Variants in PBX1 observed in about 807,000 individuals in gnomAD.
PBX1 encodes PBX homeobox 1.
PBX1 carries 6 observed loss-of-function variants against 53.4 expected under a neutral mutation model. That is an observed-to-expected ratio of 0.11 (90% CI 0.06 to 0.22). The LOEUF (loss-of-function observed/expected upper bound fraction) is 0.22. Ranked by LOEUF, PBX1 falls within the 10% of genes least tolerant of loss-of-function variation. PBX1 has a pLI of 1.00. For synonymous variants in PBX1, 204 were observed against 212.3 expected, an observed-to-expected ratio of 0.96 and a Z score of 0.34; for missense variants, 251 against 551.4, an observed-to-expected ratio of 0.46 and a Z score of 5.46.
At chr1:164,798,644 T>C (rs1286023730) in intron 3 of PBX1, among the ~76,000 whole-genome samples, 1 of 152,234 alleles carries the variant, frequency 6.6e-6, no homozygotes, top group Non-Finnish European at 1.5e-5. Flanking sequence ...CACTTCTTCC[T>C]GTTAAATAAG....
chr1:164,870,222 C>T (rs59886155), intron 2 of PBX1, among the ~76,000 whole-genome samples: 3,480 of 35,302 alleles, frequency 0.099, 69 homozygotes, highest in South Asian at 0.12. Context: ...TCTTTCTTTC[C>T]TTCCTTCCTT....
chr1:164,741,602 T>C (rs1665605144), intron 2 of PBX1, among the ~76,000 whole-genome samples: 1 of 152,160 alleles, frequency 6.6e-6, no homozygotes, highest in Non-Finnish European at 1.5e-5. Flanking sequence ...TGTTTCTTTC[T>C]TTTTCAGTAC....
intron 2 of PBX1, among the ~76,000 whole-genome samples, chr1:164,751,435 A>G (rs1287293960): frequency 1.3e-5 from 2 of 152,186 alleles, no homozygotes; most frequent in East Asian, 1.9e-4. Context: ...CAGAAACAAG[A>G]GAATCTGGCC....
chr1:164,604,237 G>A (rs879898624), intron 2 of PBX1, among the ~76,000 whole-genome samples: 5 of 152,046 alleles, frequency 3.3e-5, no homozygotes, highest in South Asian at 2.1e-4. Context: ...CACTGCGTCC[G>A]GCCTATCATT....
chr1:164,800,110 C>T (rs1571431683), intron 4 of PBX1, among the ~76,000 whole-genome samples: 1 of 152,204 alleles, frequency 6.6e-6, no homozygotes, highest in African/African-American at 2.4e-5. Flanking sequence ...CTGTTATGCA[C>T]TCTGGGTAGC....
chr1:164,683,266 C>T (rs1661895741), intron 2 of PBX1: 3 of 152,282 alleles, frequency 2.0e-5, no homozygotes, highest in South Asian at 2.1e-4. Flanking sequence ...GAAATAGCCC[C>T]ATTTTACAGA....
intron 8 of PBX1, among the ~76,000 whole-genome samples, chr1:164,826,207 C>G (rs922487995): frequency 6.6e-6 from 1 of 152,174 alleles, no homozygotes; most frequent in Non-Finnish European, 1.5e-5. Context: ...AATTGTAGAT[C>G]ATCCCTCCAG....
At chr1:164,807,409 CT>C in intron 4 of PBX1, 132 bp from the exon 5 acceptor site, 2 of 1,114,266 alleles carry the variant, frequency 1.8e-6, no homozygotes, top group Non-Finnish European at 2.5e-6. Flanking sequence ...CATCCAGCCC[CT>C]TTTGGTAAAT....
At chr1:164,610,539 T>G (rs1240185293) in intron 2 of PBX1, among the ~76,000 whole-genome samples, 1 of 152,034 alleles carries the variant, frequency 6.6e-6, no homozygotes, top group African/African-American at 2.4e-5. Flanking sequence ...GGGAGATCCT[T>G]TGTAAGAGGT....
intron 1 of PBX1, chr1:164,560,451 C>A (rs1175880059): frequency 1.4e-5 from 5 of 356,026 alleles, no homozygotes; most frequent in African/African-American, 1.0e-4. Flanking sequence ...CCCAAGAACA[C>A]TTTATTTGCA....
At chr1:164,634,434 A>G (rs1210874677) in intron 2 of PBX1, among the ~76,000 whole-genome samples, 2 of 152,188 alleles carry the variant, frequency 1.3e-5, no homozygotes, top group East Asian at 3.9e-4. Flanking sequence ...CTCCTAAAGC[A>G]TTTATTATTT....
chr1:164,835,317 T>C (rs1215925243), intron 8 of PBX1, among the ~76,000 whole-genome samples: 2 of 151,968 alleles, frequency 1.3e-5, no homozygotes, highest in African/African-American at 4.8e-5. Context: ...GCACATTTTC[T>C]GTTATTTCCT....
intron 2 of PBX1, among the ~76,000 whole-genome samples, chr1:164,876,924 A>G (rs1290474665): frequency 6.6e-6 from 1 of 152,058 alleles, no homozygotes; most frequent in Admixed American, 6.5e-5. Context: ...CCGTGCACCT[A>G]ACTCACCCTG....
Position 164,807,652 on chromosome 1 carries a change from A to C in PBX1, c.812A>C (p.Lys271Thr). 6.2e-7 allele frequency: 1 copy of C among 1,614,110 alleles called. No homozygotes were observed. Among genetic ancestry groups the C allele is most frequent in the Non-Finnish European group, 8.5e-7 (1 of 1,179,994 alleles). Residue 271 changes from lysine to threonine, a missense_variant, in exon 5 of 9, where the codon AAG becomes ACG. Physicochemically the swap from Lys to Thr is moderately conservative, Grantham distance 78. Around this residue, in one of 4 missense-constraint regions of PBX1, gnomAD observed 20 missense variants for 144.8 expected, o/e 0.14. Transcript: ENST00000420696. ...GAGGAAGCCAAAGAGGAGTTAGCCA[A>C]GAAGTGTGGCATCACAGTCTCCCAG... is the stretch of plus-strand genomic sequence containing the variant. ...PSEEAKEELA[K>T]KCGITVSQVS... is the part of the protein sequence containing the mutation.
intron 2 of PBX1, among the ~76,000 whole-genome samples, chr1:164,574,620 C>T (rs921753872): frequency 2.6e-5 from 4 of 152,076 alleles, no homozygotes; most frequent in Admixed American, 6.5e-5. Flanking sequence ...GTGGTGTTAA[C>T]GTTACCCTCC....
In PBX1 at chr1:164,559,686, C is replaced by A; in HGVS notation, c.-137C>A. 2.9e-6 allele frequency: 1 copy of A among 339,918 alleles called. No individual in the cohort carries two copies. The highest frequency in any genetic ancestry group is 4.8e-6 in the Non-Finnish European group (1 of 209,142). 21.1% of individuals were successfully genotyped at this position (339,918 alleles called of 1,614,324 possible). ...AAAGGGATTTTTTTTTTCTTTTGGT[C>A]TTCTTTTTTCCCCCTTCCCTGTTTA... On this transcript the variant is annotated 5_prime_UTR_variant, in exon 1 of 9. Transcript: ENST00000420696.
intron 4 of PBX1, among the ~76,000 whole-genome samples, chr1:164,802,453 T>C (rs146814674): frequency 6.6e-6 from 1 of 152,314 alleles, no homozygotes; most frequent in African/African-American, 2.4e-5. Context: ...GCTCCCTTTC[T>C]CAATAGGCAG....
chr1:164,747,671 G>A (rs551549804), intron 2 of PBX1, among the ~76,000 whole-genome samples: 12 of 152,020 alleles, frequency 7.9e-5, no homozygotes, highest in Non-Finnish European at 1.6e-4. Flanking sequence ...TTAGGCTCAG[G>A]GTTAGAGCAA....
chr1:164,815,666 G>T (rs1307197563), intron 6 of PBX1: 4 of 152,250 alleles, frequency 2.6e-5, no homozygotes, highest in Non-Finnish European at 5.9e-5. Flanking sequence ...AGGAAGAAGT[G>T]CCGAGTGAAG....
Sources: allele counts gnomAD v4.1 joint callset (sites outside exome capture counted in the v4.1 genomes callset), GRCh38; gene constraint gnomAD v4.1.1; regional missense constraint gnomAD v4.1.1; transcripts MANE v1.5; gene names NCBI Gene and HGNC (gene_info 2026-07-23, HGNC 2026-07-21).